Variants in MUC12 observed in about 807,000 individuals in gnomAD.
The protein encoded by MUC12 is mucin 12, cell surface associated, also known as mucin-12.
In MUC12, 172 loss-of-function variants were observed where a neutral mutation model predicts 230.8. The observed-to-expected ratio is 0.75, with a 90% CI of 0.66 to 0.85. The LOEUF (loss-of-function observed/expected upper bound fraction) is 0.85, where lower values mean the gene tolerates loss of function less well. MUC12 is among the 40% of genes least tolerant of loss of function. The probability of loss-of-function intolerance (pLI) is 0.00; values close to 1 mark genes in which losing one functional copy is unlikely to be tolerated. For missense variants in MUC12, 3,506 were observed against 5,920.6 expected (o/e 0.59, Z 13.38); for synonymous variants, 1,259 against 2,401.9 (o/e 0.52, Z 13.91).
chr7:100,980,734 G>A (rs1167574600), intron 1 of MUC12, among the ~76,000 whole-genome samples: 1 of 152,044 alleles, frequency 6.6e-6, no homozygotes, highest in Admixed American at 6.6e-5. Flanking sequence ...ACTAGCCTGG[G>A]CAAGATAGTG....
intron 1 of MUC12, among the ~76,000 whole-genome samples, chr7:100,989,619 G>C: frequency 6.6e-6 from 1 of 152,102 alleles, no homozygotes; most frequent in East Asian, 1.9e-4. Context: ...GGCAATACTG[G>C]ACAGAGGCAT....
chr7:100,980,467 C>T (rs1793089520), intron 1 of MUC12, among the ~76,000 whole-genome samples: 1 of 152,172 alleles, frequency 6.6e-6, no homozygotes. Context: ...TTCTATGGAA[C>T]ACCACAGTCA....
At position 100,992,173 on chromosome 7, in the gene MUC12, C is replaced by A. The variant is rs1438712689; in HGVS notation, c.1610C>A (p.Pro537His). The A allele has an allele frequency of 6.5e-7, 1 of 1,537,772 alleles. No homozygotes were observed. Among genetic ancestry groups the A allele is most frequent in the Non-Finnish European group, 8.7e-7 (1 of 1,147,020 alleles). ...GGCTCAACACACACAACAGCATTCCCTGGCAGTACCACCATGCCAGGCCTC... is the reference window on the plus strand; with the variant it reads ...GGCTCAACACACACAACAGCATTCCATGGCAGTACCACCATGCCAGGCCTC... ...RPGSTHTTAF[P>H]GSTTMPGLSQ... The change falls in exon 2 of 12, where the codon CCT (proline) becomes CAT (histidine). Residue 537 changes from proline (P) to histidine (H), a missense_variant. Pro to His is a moderately conservative substitution (Grantham distance 77). Coordinates refer to ENST00000536621, the MANE Select transcript of MUC12 (RefSeq NM_001164462.2).
chr7:100,989,691 C>T (rs1481905579), intron 1 of MUC12, among the ~76,000 whole-genome samples: 1 of 133,482 alleles, frequency 7.5e-6, no homozygotes, highest in African/African-American at 2.5e-5. Context: ...ACTAACAATT[C>T]AAGTTCATTT....
rs374754662 is a variant in MUC12 at position 100,992,089 on chromosome 7, C to A, written c.1526C>A (p.Pro509His). The A allele has an allele frequency of 1.3e-6, 2 of 1,537,306 alleles. No homozygotes were observed. The highest frequency in any genetic ancestry group is 1.7e-6 in the Non-Finnish European group (2 of 1,146,662). Residue 509 changes from proline (P) to histidine (H), a missense_variant, in exon 2 of 12, where the codon CCT (proline) becomes CAT (histidine). Pro to His is a moderately conservative substitution (Grantham distance 77). Coordinates refer to ENST00000536621, the MANE Select transcript of MUC12 (RefSeq NM_001164462.2). ...SPRSPDTTHL[P>H]ASMTSSGVSE... ...AGATCACCAGACACAACACACTTAC[C>A]TGCCAGCATGACAAGCTCAGGCGTC... is the stretch of plus-strand genomic sequence containing the variant.
In MUC12 at chr7:101,013,132, C is replaced by T. The variant is rs1793862664; in HGVS notation, c.15628C>T (p.Pro5210Ser). The change falls in exon 8 of 12, where the codon CCC becomes TCC. Residue 5210 changes from proline to serine, a missense_variant. Pro to Ser is a moderately conservative substitution (Grantham distance 74). Transcript: ENST00000536621. ...CACATGTCAGCTGCAACGCAGTGGC[C>T]CCCGCTGCCTGTGAGTGTCCCCATA... The part of the protein sequence containing the change: ...LGTCQLQRSG[P>S]RCLCPNTNTH... 2.0e-6 allele frequency: 3 copies of T among 1,537,124 alleles called. No individual in the cohort carries two copies. Among genetic ancestry groups the T allele is most frequent in the Non-Finnish European group, 1.7e-6 (2 of 1,146,904 alleles).
rs1412030219 is a variant in MUC12 at position 101,003,471 on chromosome 7, T to C, written c.12908T>C (p.Val4303Ala). ...GGCCTCCTTGAAGCATCTACACCCG[T>C]CCACAGCAGCACTGGATCGCCACAC... ...ASGLLEASTP[V>A]HSSTGSPHTT... Residue 4303 changes from valine to alanine, a missense_variant, in exon 2 of 12, where the codon GTC (valine) becomes GCC (alanine). Coordinates refer to ENST00000536621, the MANE Select transcript of MUC12 (RefSeq NM_001164462.2). 17 of 1,395,026 alleles carry C rather than the reference T, an allele frequency of 1.2e-5. No homozygotes were observed. The highest frequency in any genetic ancestry group is 8.8e-5 in the South Asian group (7 of 79,776). 86.4% of individuals were successfully genotyped at this position (1,395,026 alleles called of 1,614,324 possible).
chr7:100,981,929 C>T (rs190611947), intron 1 of MUC12, among the ~76,000 whole-genome samples: 102 of 143,590 alleles, frequency 7.1e-4, no homozygotes, highest in African/African-American at 1.5e-3. Flanking sequence ...TGCAGTGGTG[C>T]GATCTCAGCT....
intron 1 of MUC12, among the ~76,000 whole-genome samples, chr7:100,986,184 A>G (rs1364821980): frequency 6.6e-6 from 1 of 152,046 alleles, no homozygotes; most frequent in Admixed American, 6.6e-5. Flanking sequence ...ACATAGCAAG[A>G]TCCCATCTCT....
chr7:101,008,786 C>T (rs1002010771), intron 4 of MUC12, 25 bp downstream of exon 4: 55 of 1,528,890 alleles, frequency 3.6e-5, no homozygotes, highest in Non-Finnish European at 4.7e-5. Flanking sequence ...CACCCAGACA[C>T]CCCAGGGTGA....
chr7:100,972,288 G>A (rs1410347021), intron 1 of MUC12: 5 of 695,660 alleles, frequency 7.2e-6, no homozygotes, highest in East Asian at 5.4e-5. Flanking sequence ...CCACTTGACA[G>A]TGGATTTGTG....
In MUC12 at chr7:101,018,696, C is replaced by T; in HGVS notation, c.*60C>T. The T allele has an allele frequency of 6.7e-7, 1 of 1,482,700 alleles. No homozygotes were observed. Among genetic ancestry groups the T allele is most frequent in the Non-Finnish European group, 9.0e-7 (1 of 1,108,930 alleles). 91.8% of individuals were successfully genotyped at this position (1,482,700 alleles called of 1,614,324 possible). A position where few individuals can be genotyped will look rare whatever the true frequency, so the allele number is the denominator to read the frequency against. On this transcript the variant is annotated 3_prime_UTR_variant, in exon 12 of 12. Coordinates refer to ENST00000536621, the MANE Select transcript of MUC12 (RefSeq NM_001164462.2). ...TTCAGGAGAGCTGCAAACACAGAGC[C>T]CACCACAAGCCTCCGGGGCGGGTCA...
chr7:100,991,050 G>A lies in MUC12; in HGVS notation c.487G>A (p.Glu163Lys). The change falls in exon 2 of 12, where the codon GAA becomes AAA. Residue 163 changes from glutamate to lysine, a missense_variant. By Grantham distance (56) the Glu-to-Lys change is moderately conservative. Transcript: ENST00000536621. ...CCGCACGACAAGCTCAGGCGTCAGT[G>A]AAAAATCAACCACCTCCCACAGCCG... ...PARTTSSGVSEKSTTSHSRPG... is the reference protein window; with the variant it reads ...PARTTSSGVSKKSTTSHSRPG... 1.3e-6 allele frequency: 2 copies of A among 1,537,636 alleles called. No homozygotes were observed. The highest frequency in any genetic ancestry group is 1.7e-6 in the Non-Finnish European group (2 of 1,146,918).
In MUC12 at chr7:100,995,645, C is replaced by T. The variant is rs1256618553; in HGVS notation, c.5082C>T (p.Ser1694=). 2 of 1,537,046 alleles carry T rather than the reference C, an allele frequency of 1.3e-6. No individual in the cohort carries two copies. Residue 1694 remains serine (S), a synonymous_variant, in exon 2 of 12, where the codon AGC becomes AGT. Transcript: ENST00000536621. ...GESTTFQSWP[S]SKDTMPAPPT... ...CTACCACCTTCCAGAGCTGGCCAAGCTCAAAGGACACTATGCCTGCACCTC... is the reference window on the plus strand; with the variant it reads ...CTACCACCTTCCAGAGCTGGCCAAGTTCAAAGGACACTATGCCTGCACCTC...
At chr7:100,989,908 G>A (rs1429300290) in intron 1 of MUC12, among the ~76,000 whole-genome samples, 1 of 151,928 alleles carries the variant, frequency 6.6e-6, no homozygotes, top group Non-Finnish European at 1.5e-5. Flanking sequence ...GGCCAAACTG[G>A]TCTCAAACTC....
chr7:101,006,818 T>C (rs2116348202), intron 3 of MUC12, among the ~76,000 whole-genome samples: 2 of 152,242 alleles, frequency 1.3e-5, no homozygotes, highest in South Asian at 4.1e-4. Flanking sequence ...AGTAGATGTA[T>C]ATATTTATGG....
chr7:100,991,811 G>A lies in MUC12; in HGVS notation c.1248G>A (p.Leu416=). Residue 416 remains leucine, a synonymous_variant, in exon 2 of 12, where the codon CTG becomes CTA. Transcript: ENST00000536621. ...ALAHTSYHSS[L]GSTETTHFRD... is the part of the protein sequence containing the mutation. ...CACATACAAGCTACCACAGCAGCCTGGGCTCAACTGAAACAACACACTTCC... is the reference window on the plus strand; with the variant it reads ...CACATACAAGCTACCACAGCAGCCTAGGCTCAACTGAAACAACACACTTCC... 1.3e-6 allele frequency: 2 copies of A among 1,537,934 alleles called. No individual in the cohort carries two copies. The highest frequency in any genetic ancestry group is 1.7e-6 in the Non-Finnish European group (2 of 1,147,066).
intron 11 of MUC12, 91 bp downstream of exon 11, chr7:101,017,754 GA>G (rs1793957600): frequency 8.6e-6 from 8 of 925,332 alleles, no homozygotes; most frequent in South Asian, 6.7e-5. Flanking sequence ...CTCCCCCTGG[GA>G]CTCCCTTCTC....
At position 101,008,679 on chromosome 7, in the gene MUC12, T is replaced by G; in HGVS notation, c.15104T>G (p.Val5035Gly). 1 of 1,537,250 alleles carries G rather than the reference T, an allele frequency of 6.5e-7. No individual in the cohort carries two copies. The highest frequency in any genetic ancestry group is 8.7e-7 in the Non-Finnish European group (1 of 1,146,914). ...GCCACTTTAGGTATGACAGTGAAAG[T>G]GACTTACAGAAATTTCACAGAAAAG... ...LNATLGMTVKVTYRNFTEKMN... is the reference protein window; with the variant it reads ...LNATLGMTVKGTYRNFTEKMN... The change falls in exon 4 of 12, where the codon GTG (valine) becomes GGG (glycine). Residue 5035 changes from valine (V) to glycine (G), a missense_variant. By Grantham distance (109) the Val-to-Gly change is moderately radical (BLOSUM62 -3). Transcript: ENST00000536621.
Sources: allele counts gnomAD v4.1 joint callset (sites outside exome capture counted in the v4.1 genomes callset), GRCh38; gene constraint gnomAD v4.1.1; transcripts MANE v1.5; gene names NCBI Gene and HGNC (gene_info 2026-07-23, HGNC 2026-07-21).